LINGO2: variants seen among roughly 807,000 people sequenced by gnomAD.
LINGO2 encodes the protein leucine rich repeat and Ig domain containing 2, also known as leucine-rich repeat and immunoglobulin-like domain-containing nogo receptor-interacting protein 2.
A neutral mutation model predicts 30.6 loss-of-function variants in LINGO2; 14 were observed. The ratio of observed to expected loss-of-function variants is 0.46; its 90% confidence interval spans 0.30 to 0.72. The LOEUF (loss-of-function observed/expected upper bound fraction) is 0.72. Among genes scored for constraint, LINGO2 ranks in the 30% least tolerant of loss-of-function variants. The pLI is 0.07. For missense variants in LINGO2, 729 were observed against 751.7 expected, an observed-to-expected ratio of 0.97 and a Z score of 0.35; for synonymous variants, 317 against 288.5, an observed-to-expected ratio of 1.10 and a Z score of -1.00.
At chr9:28,293,604 T>G (rs1036837907) in intron 4 of LINGO2, among the ~76,000 whole-genome samples, 1 of 152,140 alleles carries the variant, frequency 6.6e-6, no homozygotes, top group Admixed American at 6.5e-5. Context: ...TCCAGTTGAT[T>G]GATGGTATTG....
the LINGO2 span, among the ~76,000 whole-genome samples, chr9:28,938,011 C>G: frequency 1.3e-5 from 2 of 152,128 alleles, no homozygotes; most frequent in African/African-American, 4.8e-5. Context: ...TATCATTTAG[C>G]TCCCATTTAC....
At chr9:28,851,804 C>A in the LINGO2 span, among the ~76,000 whole-genome samples, 2 of 151,798 alleles carry the variant, frequency 1.3e-5, no homozygotes, top group African/African-American at 2.4e-5. Flanking sequence ...TCTTCAGACC[C>A]CTAGAAGAGT....
chr9:28,270,301 G>T (rs977414553), intron 4 of LINGO2, among the ~76,000 whole-genome samples: 1 of 152,016 alleles, frequency 6.6e-6, no homozygotes, highest in Non-Finnish European at 1.5e-5. Context: ...TCAAGCAGTT[G>T]AAAAACTTGT....
At chr9:27,960,163 A>G (rs1819769071) in intron 5 of LINGO2, among the ~76,000 whole-genome samples, 1 of 152,174 alleles carries the variant, frequency 6.6e-6, no homozygotes, top group South Asian at 2.1e-4. Flanking sequence ...GACAGGAACA[A>G]CCAGCTTCCT....
chr9:28,048,561 A>C (rs1824527360), intron 4 of LINGO2, among the ~76,000 whole-genome samples: 1 of 150,832 alleles, frequency 6.6e-6, no homozygotes, highest in South Asian at 2.1e-4. Flanking sequence ...TGATCTTATA[A>C]ATTGGCATAC....
At chr9:28,617,958 A>C (rs1324736865) in intron 1 of LINGO2, among the ~76,000 whole-genome samples, 3 of 152,180 alleles carry the variant, frequency 2.0e-5, no homozygotes, top group Non-Finnish European at 4.4e-5. Flanking sequence ...TCTAGTGATG[A>C]TGTGAAGATA....
intron 4 of LINGO2, among the ~76,000 whole-genome samples, chr9:28,204,025 T>A (rs543213783): frequency 3.2e-4 from 48 of 152,316 alleles, no homozygotes; most frequent in Non-Finnish European, 6.5e-4. Flanking sequence ...TCAAAGCTTA[T>A]GTGACACTGA....
At chr9:29,127,739 G>T in the LINGO2 span, among the ~76,000 whole-genome samples, 1 of 152,104 alleles carries the variant, frequency 6.6e-6, no homozygotes, top group Non-Finnish European at 1.5e-5. Flanking sequence ...GAGGACAACT[G>T]CCCTGCATGG....
intron 3 of LINGO2, among the ~76,000 whole-genome samples, chr9:28,304,613 G>A (rs1824273457): frequency 6.6e-6 from 1 of 151,922 alleles, no homozygotes; most frequent in Admixed American, 6.6e-5. Context: ...ACCTGTTCTT[G>A]AGCTTTATAT....
chr9:28,541,127 A>C (rs1008859727), intron 1 of LINGO2, among the ~76,000 whole-genome samples: 9 of 152,190 alleles, frequency 5.9e-5, no homozygotes, highest in Non-Finnish European at 1.3e-4. Context: ...ATATTGATGA[A>C]ATGTGGTAGG....
chr9:28,620,618 G>A (rs1379781237), intron 1 of LINGO2, among the ~76,000 whole-genome samples: 1 of 151,990 alleles, frequency 6.6e-6, no homozygotes, highest in Non-Finnish European at 1.5e-5. Context: ...TGGACAGAGA[G>A]AGCCAAGACA....
chr9:28,705,072 G>A, the LINGO2 span, among the ~76,000 whole-genome samples: 1 of 151,868 alleles, frequency 6.6e-6, no homozygotes, highest in Non-Finnish European at 1.5e-5. Context: ...GCACCACCAT[G>A]CCTGGCTAAT....
chr9:28,775,923 C>CTT, the LINGO2 span, among the ~76,000 whole-genome samples: 1 of 152,126 alleles, frequency 6.6e-6, no homozygotes, highest in South Asian at 2.1e-4. Context: ...CATCATATAT[C>CTT]TTCTCCTTTG....
intron 5 of LINGO2, among the ~76,000 whole-genome samples, chr9:28,008,982 T>G (rs1822410709): frequency 6.6e-6 from 1 of 152,120 alleles, no homozygotes; most frequent in Admixed American, 6.5e-5. Context: ...AGAATATATT[T>G]GGATTATTCA....
chr9:28,426,469 G>A (rs1292380595), intron 2 of LINGO2, among the ~76,000 whole-genome samples: 4 of 152,052 alleles, frequency 2.6e-5, no homozygotes, highest in African/African-American at 9.7e-5. Flanking sequence ...AAGGTAAAAA[G>A]GATGAAATGA....
chr9:28,224,111 C>A (rs1821061592), intron 4 of LINGO2, among the ~76,000 whole-genome samples: 2 of 152,244 alleles, frequency 1.3e-5, no homozygotes, highest in Admixed American at 1.3e-4. Flanking sequence ...GTAGCCCAGG[C>A]TGGAGTGCAG....
At chr9:29,134,517 G>A in the LINGO2 span, among the ~76,000 whole-genome samples, 2 of 151,960 alleles carry the variant, frequency 1.3e-5, no homozygotes, top group African/African-American at 4.8e-5. Context: ...ATAATAGCCA[G>A]TGACTAACAA....
the LINGO2 span, among the ~76,000 whole-genome samples, chr9:29,024,078 G>T: frequency 6.6e-6 from 1 of 151,956 alleles, no homozygotes; most frequent in African/African-American, 2.4e-5. Flanking sequence ...TGGAACAAAA[G>T]CCTCTAACCA....
At chr9:28,839,351 A>G in the LINGO2 span, among the ~76,000 whole-genome samples, 9 of 152,134 alleles carry the variant, frequency 5.9e-5, no homozygotes, top group African/African-American at 2.2e-4. Flanking sequence ...CTCTCAGGAG[A>G]CAGGAGACCC....
Sources: allele counts gnomAD v4.1 joint callset (sites outside exome capture counted in the v4.1 genomes callset), GRCh38; gene constraint gnomAD v4.1.1; transcripts MANE v1.5; gene names NCBI Gene and HGNC (gene_info 2026-07-23, HGNC 2026-07-21).